Variants in CASC3 observed in about 807,000 individuals in gnomAD.
CASC3 encodes the protein CASC3 exon junction complex subunit, also known as protein CASC3.
CASC3 carries 30 observed loss-of-function variants against 80.5 expected under a neutral mutation model. The observed-to-expected ratio is 0.37, with a 90% CI of 0.28 to 0.51. The LOEUF (loss-of-function observed/expected upper bound fraction) is 0.51, where lower values mean the gene tolerates loss of function less well. Among genes scored for constraint, CASC3 ranks in the 20% least tolerant of loss-of-function variants. The probability of loss-of-function intolerance (pLI) is 0.94; values close to 1 mark genes in which losing one functional copy is unlikely to be tolerated. For synonymous variants in CASC3, 312 were observed against 333.6 expected (o/e 0.94, Z 0.70); for missense variants, 824 against 922.2 (o/e 0.89, Z 1.38).
intron 3 of CASC3, among the ~76,000 whole-genome samples, chr17:40,158,651 C>T (rs1989212168): frequency 6.6e-6 from 1 of 152,124 alleles, no homozygotes; most frequent in Non-Finnish European, 1.5e-5. Flanking sequence ...CCAGCACTTT[C>T]TGTGTCATGA....
intron 8 of CASC3, 89 bp downstream of exon 8, chr17:40,166,950 TTTTC>T: frequency 3.0e-5 from 28 of 946,044 alleles, no homozygotes; most frequent in Non-Finnish European, 3.8e-5. Context: ...TCTTTTTTTT[TTTTC>T]TTTTCTTTCT....
chr17:40,142,623 T>A (rs1261750228), intron 3 of CASC3, among the ~76,000 whole-genome samples: 1 of 152,138 alleles, frequency 6.6e-6, no homozygotes, highest in African/African-American at 2.4e-5. Flanking sequence ...GCGCGGTGGC[T>A]CACGCCTATA....
chr17:40,145,702 C>T (rs1020346688), intron 3 of CASC3, among the ~76,000 whole-genome samples: 1 of 150,930 alleles, frequency 6.6e-6, no homozygotes, highest in Admixed American at 6.6e-5. Context: ...GCCTGGGCAA[C>T]AGAGCAAGAC....
In CASC3 at chr17:40,156,913, C is replaced by T. The variant is rs1054043557; in HGVS notation, c.298-4840C>T. Among the ~76,000 whole-genome samples the T allele has an allele frequency of 9.2e-5, 14 of 151,722 alleles. No homozygotes were observed. In the South Asian group the frequency reaches 1.0e-3, roughly 11 times the overall value. Reference sequence around the variant, plus strand: ...CAAAAATTAGCTGGGCATGATGGCACGTGCCTGCAGTCCCAGCTACTCAGG... The same window carrying T: ...CAAAAATTAGCTGGGCATGATGGCATGTGCCTGCAGTCCCAGCTACTCAGG... On this transcript the variant is annotated intron_variant, in intron 3 of 13. Transcript: ENST00000264645.
intron 7 of CASC3, 85 bp downstream of exon 7, chr17:40,164,251 G>A: frequency 2.7e-6 from 3 of 1,107,902 alleles, no homozygotes; most frequent in Admixed American, 2.8e-5. Flanking sequence ...CAGGAAGGTG[G>A]TGTCTGACAA....
chr17:40,168,547 G>C (rs749094370), intron 11 of CASC3, 130 bp downstream of exon 11: 13 of 794,536 alleles, frequency 1.6e-5, no homozygotes, highest in African/African-American at 3.4e-5. Flanking sequence ...GTGACACCAA[G>C]ACGCCTCTTA....
intron 3 of CASC3, among the ~76,000 whole-genome samples, chr17:40,144,954 G>C (rs1988818527): frequency 6.6e-6 from 1 of 150,848 alleles, no homozygotes; most frequent in African/African-American, 2.4e-5. Flanking sequence ...TCTGCCTCCT[G>C]GGTTCAAGCG....
At chr17:40,151,071 T>C (rs1006578156) in intron 3 of CASC3, among the ~76,000 whole-genome samples, 2 of 151,992 alleles carry the variant, frequency 1.3e-5, no homozygotes, top group African/African-American at 4.8e-5. Context: ...GAACGTACAG[T>C]TCATTTATTT....
At position 40,166,818 on chromosome 17, in the gene CASC3, TGGGAGCA is replaced by T; in HGVS notation, c.1496_1502del (p.Gly499AspfsTer78). 1.9e-6 allele frequency: 3 copies of T among 1,604,300 alleles called. No individual in the cohort carries two copies. The highest frequency in any genetic ancestry group is 2.5e-6 in the Non-Finnish European group (3 of 1,176,896). On this transcript the variant is annotated frameshift_variant, in exon 8 of 14. Coordinates refer to ENST00000264645, the MANE Select transcript of CASC3 (RefSeq NM_007359.5). LOFTEE classifies it high-confidence loss of function. ...ACAGGTATGCCCAACCATATACACA[TGGGAGCA>T]GGACCTCCACCTCAGTTTAACCGGA...
intron 8 of CASC3, 29 bp downstream of exon 8, chr17:40,166,890 G>C: frequency 6.5e-7 from 1 of 1,542,064 alleles, no homozygotes; most frequent in Non-Finnish European, 8.9e-7. Flanking sequence ...GTAGATGGGG[G>C]AGGGAGCTGC....
In CASC3 at chr17:40,172,118, C is replaced by T. The variant is rs1567687006; in HGVS notation, c.*1713C>T. ...TTTTGTTACTGTTTTAAAGGGTGCC[C>T]ATTTGTGATCAGCATTGTGACTTGG... On this transcript the variant is annotated 3_prime_UTR_variant, in exon 14 of 14. Transcript: ENST00000264645. 12 of 1,289,904 alleles carry T rather than the reference C, an allele frequency of 9.3e-6. No homozygotes were observed. Among genetic ancestry groups the T allele is most frequent in the Non-Finnish European group, 1.1e-5 (11 of 988,854 alleles). 79.9% of individuals were successfully genotyped at this position (1,289,904 alleles called of 1,614,324 possible).
At chr17:40,159,488 G>T (rs542020460) in intron 3 of CASC3, among the ~76,000 whole-genome samples, 2 of 150,510 alleles carry the variant, frequency 1.3e-5, no homozygotes, top group South Asian at 4.2e-4. Flanking sequence ...TGATTCTCCC[G>T]CCTCAGCCTC....
In CASC3 at chr17:40,171,751, C is replaced by G. The variant is rs1989598749; in HGVS notation, c.*1346C>G. 8.7e-7 allele frequency: 1 copy of G among 1,151,096 alleles called. No homozygotes were observed. The highest frequency in any genetic ancestry group is 1.1e-6 in the Non-Finnish European group (1 of 922,892). The allele number at this position is 1,151,096 out of a possible 1,614,324, so 71.3% of individuals were successfully genotyped here. A position where few individuals can be genotyped will look rare whatever the true frequency, so the allele number is the denominator to read the frequency against. The stretch of plus-strand genomic sequence containing the variant: ...CACTGTCCCTGTCCTTCTACAGAAC[C>G]TGAGGGCAAAGATGGTGGCTGTGTC... On this transcript the variant is annotated 3_prime_UTR_variant, in exon 14 of 14. Coordinates refer to ENST00000264645, the MANE Select transcript of CASC3 (RefSeq NM_007359.5).
intron 3 of CASC3, among the ~76,000 whole-genome samples, chr17:40,146,345 C>G (rs1051603036): frequency 2.0e-5 from 3 of 151,708 alleles, no homozygotes; most frequent in African/African-American, 7.3e-5. Flanking sequence ...GTAAACCCAT[C>G]ATAAGTTCAG....
chr17:40,150,582 G>A (rs1988978254), intron 3 of CASC3, among the ~76,000 whole-genome samples: 3 of 152,050 alleles, frequency 2.0e-5, no homozygotes, highest in East Asian at 3.9e-4. Context: ...GAGCTATGGA[G>A]TCTAGAGAGA....
intron 11 of CASC3, chr17:40,168,722 C>G: frequency 2.9e-6 from 1 of 346,888 alleles, no homozygotes; most frequent in South Asian, 2.6e-5. Flanking sequence ...TCCCGAGTAG[C>G]TGGGATTACA....
At position 40,166,886 on chromosome 17, in the gene CASC3, G is replaced by C. The variant is rs759920358; in HGVS notation, c.1536+25G>C. 1.1e-5 allele frequency: 17 copies of C among 1,561,252 alleles called. No homozygotes were observed. The South Asian group carries it at 1.8e-4, about 17-fold the overall frequency. On this transcript the variant is annotated intron_variant, in intron 8 of 13. Transcript: ENST00000264645. ...GGTACAGAAGGGGAAAGGGGTAGAT[G>C]GGGGAGGGAGCTGCCTGTTACACAG...
intron 3 of CASC3, among the ~76,000 whole-genome samples, chr17:40,152,131 AT>A (rs1348393606): frequency 9.9e-5 from 15 of 152,190 alleles, no homozygotes; most frequent in African/African-American, 3.4e-4. Context: ...ACAATATGTT[AT>A]TTATTTTTAT....
chr17:40,144,841 CAA>C (rs768295256), intron 3 of CASC3, among the ~76,000 whole-genome samples: 4 of 90,384 alleles, frequency 4.4e-5, no homozygotes, highest in East Asian at 3.1e-4. Context: ...CATACCCAGC[CAA>C]AAAAAAAAAA....
Sources: allele counts gnomAD v4.1 joint callset (sites outside exome capture counted in the v4.1 genomes callset), GRCh38; gene constraint gnomAD v4.1.1; transcripts MANE v1.5; gene names NCBI Gene and HGNC (gene_info 2026-07-23, HGNC 2026-07-21).